Variants in FBXO38 observed in about 807,000 individuals in gnomAD.
FBXO38 encodes F-box only protein 38.
A neutral mutation model predicts 131.9 loss-of-function variants in FBXO38; 53 were observed. The observed-to-expected ratio is 0.40, with a 90% confidence interval of 0.32 to 0.51. FBXO38 has a LOEUF of 0.51. Ranked by LOEUF, FBXO38 falls within the 20% of genes least tolerant of loss-of-function variation. The pLI, the probability that FBXO38 is intolerant of heterozygous loss-of-function variation, is 0.53. For missense variants in FBXO38, 1,076 were observed against 1,475.6 expected (o/e 0.73, Z 4.44); for synonymous variants, 452 against 505.6 (o/e 0.89, Z 1.42).
rs376871117 is a variant in FBXO38, at chr5:148,438,314, A to G, written c.2858-18A>G. The G allele has an allele frequency of 8.1e-5, 130 of 1,612,854 alleles. 1 individual carries two copies. The South Asian group carries it at 1.2e-3, about 14-fold the overall frequency. On this transcript the variant is annotated intron_variant, in intron 17 of 21. Transcript: ENST00000340253. ...AAAGATGATATGTACGGAGCTTACC[A>G]TTGTTTTCATTTTGTAGCTACCAGG...
Position 148,442,126 on chromosome 5 carries a change from A to G in FBXO38, c.3546A>G (p.Pro1182=). 6.2e-7 allele frequency: 1 copy of G among 1,613,992 alleles called. No homozygotes were observed. Among genetic ancestry groups the G allele is most frequent in the Non-Finnish European group, 8.5e-7 (1 of 1,179,902 alleles). Residue 1182 remains proline, a synonymous_variant, in exon 22 of 22, where the codon CCA becomes CCG. Transcript: ENST00000340253. ...ACTATTGTGATGTCAATGGAGAGCC[A>G]GTTGAAGATGACTACATTTAATTGG... ...FIHYCDVNGE[P]VEDDYI
intron 15 of FBXO38, among the ~76,000 whole-genome samples, chr5:148,431,475 TTAAAG>T (rs970186963): frequency 5.3e-5 from 8 of 152,084 alleles, no homozygotes; most frequent in African/African-American, 1.9e-4. Context: ...CTCTGATAAA[TTAAAG>T]GGGAAGGGAG....
At chr5:148,414,383 T>C in intron 10 of FBXO38, 77 bp downstream of exon 10, 1 of 1,226,412 alleles carries the variant, frequency 8.2e-7, no homozygotes. Context: ...CTATGTGTGA[T>C]ATGATTGCAT....
intron 11 of FBXO38, 30 bp downstream of exon 11, chr5:148,416,100 A>G: frequency 2.7e-6 from 4 of 1,483,720 alleles, no homozygotes; most frequent in Non-Finnish European, 3.6e-6. Flanking sequence ...GTTTTTGTTT[A>G]TTTTGATAGG....
chr5:148,397,270 G>A (rs1428095760), intron 2 of FBXO38, among the ~76,000 whole-genome samples: 1 of 152,068 alleles, frequency 6.6e-6, no homozygotes, highest in East Asian at 1.9e-4. Context: ...TATTTGATCT[G>A]TCTTCTGAAC....
intron 17 of FBXO38, chr5:148,434,486 A>G (rs1429487918): frequency 6.6e-6 from 1 of 152,186 alleles, no homozygotes; most frequent in Non-Finnish European, 1.5e-5. Context: ...GGCAAGTTAT[A>G]TAATTTTCTG....
chr5:148,436,124 C>T (rs1046878291), intron 17 of FBXO38, among the ~76,000 whole-genome samples: 1 of 152,298 alleles, frequency 6.6e-6, no homozygotes, highest in South Asian at 2.1e-4. Flanking sequence ...AAAGGGAGCA[C>T]GTGCTTACTA....
In FBXO38 at chr5:148,410,015, A is replaced by G. The variant is rs141424536; in HGVS notation, c.963-620A>G. 6.4e-3 allele frequency among the ~76,000 whole-genome samples: 968 copies of G among 152,328 alleles called. 22 individuals are homozygous for G. The highest frequency in any genetic ancestry group is 0.022 in the African/African-American group (933 of 41,566). ...GATATAAGATTCTTACCTGTAATTAATTGTTATTTAATGTATAGCTTCAGT... is the reference window on the plus strand; with the variant it reads ...GATATAAGATTCTTACCTGTAATTAGTTGTTATTTAATGTATAGCTTCAGT... On this transcript the variant is annotated intron_variant, in intron 8 of 21. Coordinates refer to ENST00000340253, the MANE Select transcript of FBXO38 (RefSeq NM_205836.3).
Position 148,386,503 on chromosome 5 carries a change from G to A in FBXO38, c.-64+2464G>A, listed in dbSNP as rs143610931. On this transcript the variant is annotated intron_variant, in intron 1 of 21. Coordinates refer to ENST00000340253, the MANE Select transcript of FBXO38 (RefSeq NM_205836.3). ...GGAAAACGGATGTGCCACTTTCATC[G>A]TATTCTCAGATGGGTTTGTGACCCA... is the stretch of plus-strand genomic sequence containing the variant. 7.2e-5 allele frequency among the ~76,000 whole-genome samples: 11 copies of A among 152,134 alleles called. No homozygotes were observed. In the East Asian group the frequency reaches 1.6e-3, roughly 21 times the overall value.
intron 18 of FBXO38, among the ~76,000 whole-genome samples, chr5:148,439,439 T>C (rs1754545281): frequency 6.6e-6 from 1 of 152,216 alleles, no homozygotes; most frequent in Non-Finnish European, 1.5e-5. Context: ...CAGTGAGATA[T>C]AAATTGCCAA....
intron 10 of FBXO38, 62 bp from the exon 11 acceptor site, chr5:148,415,866 A>G: frequency 6.4e-7 from 1 of 1,571,012 alleles, no homozygotes; most frequent in Non-Finnish European, 8.7e-7. Context: ...CTGTATCAAA[A>G]TTCATCAGTA....
At chr5:148,426,741 G>T (rs1227063220) in intron 14 of FBXO38, among the ~76,000 whole-genome samples, 3 of 152,158 alleles carry the variant, frequency 2.0e-5, no homozygotes, top group Non-Finnish European at 2.9e-5. Context: ...AGAAGTTCTA[G>T]TCTAGTTGAA....
intron 1 of FBXO38, among the ~76,000 whole-genome samples, chr5:148,387,346 A>G (rs1456077263): frequency 1.3e-5 from 2 of 152,162 alleles, no homozygotes; most frequent in Non-Finnish European, 2.9e-5. Flanking sequence ...TTATCATGAG[A>G]TTGCAGCAAT....
At chr5:148,392,034 A>G (rs546383748) in intron 1 of FBXO38, among the ~76,000 whole-genome samples, 2 of 152,336 alleles carry the variant, frequency 1.3e-5, no homozygotes, top group African/African-American at 2.4e-5. Context: ...ACTTAACACT[A>G]TAAATCAGGA....
intron 1 of FBXO38, among the ~76,000 whole-genome samples, chr5:148,390,625 C>T (rs771299939): frequency 3.3e-5 from 5 of 152,162 alleles, no homozygotes; most frequent in Non-Finnish European, 4.4e-5. Context: ...TTTTTGTCAG[C>T]TTCCTGGAGA....
At position 148,424,020 on chromosome 5, in the gene FBXO38, C is replaced by T. The variant is rs762999001; in HGVS notation, c.1641C>T (p.Ile547=). 8 of 1,612,496 alleles carry T rather than the reference C, an allele frequency of 5.0e-6. No homozygotes were observed. Among genetic ancestry groups the T allele is most frequent in the African/African-American group, 4.0e-5 (3 of 74,796 alleles). ...AADALNEMED[I]VQEDGEVVAE... The stretch of plus-strand genomic sequence containing the variant: ...AAGCATTAAATGAGATGGAAGACAT[C>T]GTCCAAGAAGATGGAGAGGTGGTGG... Residue 547 remains isoleucine, a synonymous_variant, in exon 13 of 22, where the codon ATC becomes ATT. Transcript: ENST00000340253.
intron 21 of FBXO38, 152 bp downstream of exon 21, chr5:148,441,389 T>C (rs537447750): frequency 1.6e-6 from 1 of 612,576 alleles, no homozygotes; most frequent in Non-Finnish European, 2.8e-6. Flanking sequence ...AACAGTTCTT[T>C]ATTTGTGCAG....
intron 7 of FBXO38, among the ~76,000 whole-genome samples, chr5:148,406,729 T>C (rs1752464156): frequency 6.6e-6 from 1 of 152,172 alleles, no homozygotes. Context: ...GGTGATGTTT[T>C]ACAACTTGTA....
chr5:148,428,706 C>T (rs1753865716), intron 15 of FBXO38, among the ~76,000 whole-genome samples: 1 of 152,072 alleles, frequency 6.6e-6, no homozygotes, highest in African/African-American at 2.4e-5. Context: ...ATCTTAAAAT[C>T]AGTCCCAGAA....
Sources: gnomAD v4.1 joint callset for allele counts (sites outside exome capture counted in the v4.1 genomes callset) on GRCh38, gnomAD v4.1.1 for gene constraint, MANE v1.5 for transcripts, NCBI Gene and HGNC (gene_info 2026-07-23, HGNC 2026-07-21) for gene names.